INVS: variants seen among roughly 807,000 people sequenced by gnomAD.
INVS encodes inversion of embryo turning homolog.
In INVS, 86 loss-of-function variants were observed where a neutral mutation model predicts 108.8. The ratio of observed to expected loss-of-function variants is 0.79; its 90% confidence interval spans 0.66 to 0.95. The LOEUF is 0.95. Among genes scored for constraint, INVS ranks in the 40% least tolerant of loss-of-function variants. INVS has a pLI of 0.00. For missense variants in INVS, 1,169 were observed against 1,297.4 expected (o/e 0.90, Z 1.52); for synonymous variants, 455 against 473.5 (o/e 0.96, Z 0.51).
chr9:100,128,673 G>A (rs1396464065), intron 3 of INVS, among the ~76,000 whole-genome samples: 2 of 152,158 alleles, frequency 1.3e-5, no homozygotes, highest in African/African-American at 4.8e-5. Flanking sequence ...ATTCTCTTTA[G>A]AGAAAACATC....
At chr9:100,108,353 A>G (rs969376487) in intron 2 of INVS, among the ~76,000 whole-genome samples, 12 of 152,154 alleles carry the variant, frequency 7.9e-5, no homozygotes, top group African/African-American at 2.9e-4. Flanking sequence ...CTTCTTATTA[A>G]TTACTGACTG....
In INVS at chr9:100,100,237, G is replaced by GA. The variant is rs113589066; in HGVS notation, c.-25+830dup. On this transcript the variant is annotated intron_variant, in intron 1 of 16. Coordinates refer to ENST00000262457, the MANE Select transcript of INVS (RefSeq NM_014425.5). Reference sequence around the variant, plus strand: ...GGGCAAAAAATACATTTTTTCTTAAGAAAAAAAAAGAGCCCTGCATAATGG... The same window carrying GA: ...GGGCAAAAAATACATTTTTTCTTAAGAAAAAAAAAAGAGCCCTGCATAATGG... 1.0e-4 allele frequency among the ~76,000 whole-genome samples: 15 copies of GA among 149,214 alleles called. 1 individual carries two copies. The highest frequency in any genetic ancestry group is 8.7e-4 in the Admixed American group (13 of 14,908).
rs1415828837 is a variant in INVS, at chr9:100,301,178, CATAT to C, written c.*505_*508del. 2.0e-5 allele frequency among the ~76,000 whole-genome samples: 1 copy of C among 49,118 alleles called. No homozygotes were observed. Among genetic ancestry groups the C allele is most frequent in the South Asian group, 1.8e-3 (1 of 562 alleles). The allele number at this position is 49,118 out of a possible 152,430, so 32.2% of individuals were successfully genotyped here. A position where few individuals can be genotyped will look rare whatever the true frequency, so the allele number is the denominator to read the frequency against. On this transcript the variant is annotated 3_prime_UTR_variant, in exon 17 of 17. Coordinates refer to ENST00000262457, the MANE Select transcript of INVS (RefSeq NM_014425.5). ...ACACACACACACACACACACACACA[CATAT>C]CACGTCCCACTATTACTTCAAAATT...
At chr9:100,217,231 C>T (rs1179783956) in intron 3 of INVS, among the ~76,000 whole-genome samples, 2 of 152,082 alleles carry the variant, frequency 1.3e-5, no homozygotes, top group African/African-American at 4.8e-5. Flanking sequence ...ATTGCTTGAA[C>T]CCGGGAGGCA....
intron 10 of INVS, among the ~76,000 whole-genome samples, chr9:100,255,633 G>C (rs74478580): frequency 0.011 from 1,650 of 152,176 alleles, 16 homozygotes; most frequent in African/African-American, 0.016. Flanking sequence ...AGGGCTGTTG[G>C]ATTTTGTCAA....
chr9:100,258,887 CTG>C, intron 10 of INVS, among the ~76,000 whole-genome samples: 1 of 152,354 alleles, frequency 6.6e-6, no homozygotes, highest in East Asian at 1.9e-4. Context: ...AGGAGGTAGT[CTG>C]TCCATTCTCA....
chr9:100,100,581 A>T lies in INVS; in HGVS notation c.-25+1165A>T, dbSNP rs952502753. On this transcript the variant is annotated intron_variant, in intron 1 of 16. Transcript: ENST00000262457. ...ATGAAGTAAAAAGTATATATATATA[A>T]TATATATAATATATGTACATATAAT... Among the ~76,000 whole-genome samples the T allele has an allele frequency of 6.4e-4, 64 of 99,636 alleles. 2 individuals are homozygous for T. Among genetic ancestry groups the T allele is most frequent in the African/African-American group, 1.9e-3 (47 of 24,182 alleles). The allele number at this position is 99,636 out of a possible 152,430, so 65.4% of individuals were successfully genotyped here.
intron 3 of INVS, among the ~76,000 whole-genome samples, chr9:100,195,248 A>T (rs1258210513): frequency 1.3e-5 from 2 of 152,226 alleles, no homozygotes; most frequent in Non-Finnish European, 2.9e-5. Context: ...TGAGAATTTA[A>T]ACCAAGAGTT....
chr9:100,136,278 TGTG>T, intron 3 of INVS, among the ~76,000 whole-genome samples: 1 of 152,102 alleles, frequency 6.6e-6, no homozygotes, highest in East Asian at 1.9e-4. Context: ...CGGAAGAAAT[TGTG>T]GTGGGAAAAT....
chr9:100,203,120 T>C (rs1588085855), intron 3 of INVS, among the ~76,000 whole-genome samples: 1 of 152,358 alleles, frequency 6.6e-6, no homozygotes, highest in African/African-American at 2.4e-5. Flanking sequence ...CAACATACAT[T>C]TGATGTTTAG....
At position 100,100,911 on chromosome 9, in the gene INVS, ATT is replaced by A. The variant is rs1349126446; in HGVS notation, c.-25+1496_-25+1497del. 1.1e-3 allele frequency among the ~76,000 whole-genome samples: 49 copies of A among 46,194 alleles called. 1 individual carries two copies. The highest frequency in any genetic ancestry group is 1.3e-3 in the African/African-American group (9 of 6,758). The allele number at this position is 46,194 out of a possible 152,430, so 30.3% of individuals were successfully genotyped here. On this transcript the variant is annotated intron_variant, in intron 1 of 16. Transcript: ENST00000262457. ...TAATATATATTATATATGTATATAT[ATT>A]ATATGTATATATATAATATATATAA...
intron 5 of INVS, among the ~76,000 whole-genome samples, chr9:100,236,659 C>T (rs1318572692): frequency 1.3e-5 from 2 of 152,280 alleles, no homozygotes; most frequent in East Asian, 3.9e-4. Context: ...CCACTTCAGA[C>T]CCTGTTTGCG....
chr9:100,117,535 G>T (rs1192694129), intron 2 of INVS: 9 of 1,063,570 alleles, frequency 8.5e-6, no homozygotes, highest in Non-Finnish European at 9.9e-6. Context: ...CCCGGCCCCG[G>T]ATGCCACTGC....
Position 100,100,970 on chromosome 9 carries a change from ATAT to A in INVS, c.-25+1558_-25+1560del, listed in dbSNP as rs1245121636. On this transcript the variant is annotated intron_variant, in intron 1 of 16. Coordinates refer to ENST00000262457, the MANE Select transcript of INVS (RefSeq NM_014425.5). The stretch of plus-strand genomic sequence containing the variant: ...TACATATATATTATATATATAATAT[ATAT>A]TATATATATAATATATATGTATATA... Among the ~76,000 whole-genome samples the A allele has an allele frequency of 6.5e-3, 467 of 72,064 alleles. 30 individuals are homozygous for A. The highest frequency in any genetic ancestry group is 0.03 in the African/African-American group (410 of 13,736). The allele number at this position is 72,064 out of a possible 152,430, so 47.3% of individuals were successfully genotyped here.
chr9:100,153,682 A>G (rs1416445883), intron 3 of INVS, among the ~76,000 whole-genome samples: 1 of 152,218 alleles, frequency 6.6e-6, no homozygotes, highest in Admixed American at 6.5e-5. Flanking sequence ...ATTTCTCCCA[A>G]TTCTGGAGAC....
Position 100,301,267 on chromosome 9 carries a change from A to AAAAG in INVS, c.*595_*598dup, listed in dbSNP as rs1833962906. Among the ~76,000 whole-genome samples the AAAAG allele has an allele frequency of 6.6e-6, 1 of 152,114 alleles. No individual in the cohort carries two copies. Among genetic ancestry groups the AAAAG allele is most frequent in the African/African-American group, 2.4e-5 (1 of 41,430 alleles). ...CACTGTTTTCATTTAGAAATTGTCC[A>AAAAG]AAAGACCATAGATACATTCTGGTGA... On this transcript the variant is annotated 3_prime_UTR_variant, in exon 17 of 17. Coordinates refer to ENST00000262457, the MANE Select transcript of INVS (RefSeq NM_014425.5).
At chr9:100,126,680 T>A in intron 3 of INVS, 131 bp downstream of exon 3, 2 of 901,666 alleles carry the variant, frequency 2.2e-6, no homozygotes, top group Non-Finnish European at 3.5e-6. Flanking sequence ...ATATTTTCTC[T>A]AAAAGCTGTC....
In INVS at chr9:100,264,803, T is replaced by C. The variant is rs746040098; in HGVS notation, c.1465-19T>C. 1.9e-6 allele frequency: 3 copies of C among 1,548,330 alleles called. No homozygotes were observed. Among genetic ancestry groups the C allele is most frequent in the Admixed American group, 1.7e-5 (1 of 59,920 alleles). On this transcript the variant is annotated intron_variant, in intron 10 of 16. Coordinates refer to ENST00000262457, the MANE Select transcript of INVS (RefSeq NM_014425.5). The stretch of plus-strand genomic sequence containing the variant: ...AAATACTTACTCCAGATGTACTTGA[T>C]TTTTGTTTATGCTTATAGGGAAGAA...
chr9:100,287,389 T>C (rs982031881), intron 13 of INVS, among the ~76,000 whole-genome samples: 1 of 152,216 alleles, frequency 6.6e-6, no homozygotes, highest in Non-Finnish European at 1.5e-5. Context: ...AGAAATAGAT[T>C]CCACCTTTGT....
Sources: allele counts gnomAD v4.1 joint callset (sites outside exome capture counted in the v4.1 genomes callset), GRCh38; gene constraint gnomAD v4.1.1; transcripts MANE v1.5; gene names NCBI Gene and HGNC (gene_info 2026-07-23, HGNC 2026-07-21).